Variants in TCERG1L observed in about 807,000 individuals in gnomAD.
TCERG1L encodes the protein transcription elongation regulator 1 like.
TCERG1L carries 37 observed loss-of-function variants against 56.3 expected under a neutral mutation model. The ratio of observed to expected loss-of-function variants is 0.66; its 90% CI spans 0.51 to 0.87. TCERG1L has a LOEUF of 0.87. Among genes scored for constraint, TCERG1L ranks in the 40% least tolerant of loss-of-function variants. The pLI, the probability that TCERG1L is intolerant of heterozygous loss-of-function variation, is 0.00. For synonymous variants in TCERG1L, 324 were observed against 326.3 expected (o/e 0.99, Z 0.08); for missense variants, 799 against 774.2 (o/e 1.03, Z -0.38).
rs148486552 is a variant in TCERG1L at position 131,155,807 on chromosome 10, C to T, written c.1034+7315G>A. 2.5e-3 allele frequency among the ~76,000 whole-genome samples: 386 copies of T among 152,300 alleles called. 2 individuals are homozygous for T. The highest frequency in any genetic ancestry group is 8.8e-3 in the African/African-American group (364 of 41,572). On this transcript the variant is annotated intron_variant, in intron 6 of 11. Coordinates refer to ENST00000368642, the MANE Select transcript of TCERG1L (RefSeq NM_174937.4). ...ACAGCCCACGGCCCACCCCCCACTC[C>T]CTGGGCTGCTCCCACCAGAACTCTC...
intron 7 of TCERG1L, among the ~76,000 whole-genome samples, chr10:131,137,104 C>T (rs764305837): frequency 3.3e-5 from 5 of 152,000 alleles, no homozygotes; most frequent in Non-Finnish European, 4.4e-5. Flanking sequence ...TGTGCCACTG[C>T]ACTCCAGCCT....
intron 3 of TCERG1L, among the ~76,000 whole-genome samples, chr10:131,285,399 A>AAAGG (rs201339365): frequency 7.6e-6 from 1 of 131,570 alleles, no homozygotes; most frequent in Non-Finnish European, 1.6e-5. Flanking sequence ...GAAAGAAAAG[A>AAAGG]AAGGAAGGAA....
intron 9 of TCERG1L, among the ~76,000 whole-genome samples, chr10:131,116,353 C>T (rs1249995490): frequency 6.6e-6 from 1 of 152,194 alleles, no homozygotes; most frequent in Non-Finnish European, 1.5e-5. Context: ...GGCACCGCGA[C>T]TGGCCCAGCT....
At chr10:131,131,877 A>G (rs972668218) in intron 8 of TCERG1L, among the ~76,000 whole-genome samples, 2 of 152,252 alleles carry the variant, frequency 1.3e-5, no homozygotes, top group Non-Finnish European at 2.9e-5. Flanking sequence ...CCAAATGAAC[A>G]GATTTCAGCA....
At chr10:131,135,865 C>T (rs763321934) in intron 7 of TCERG1L, among the ~76,000 whole-genome samples, 23 of 152,216 alleles carry the variant, frequency 1.5e-4, no homozygotes, top group Non-Finnish European at 2.5e-4. Context: ...CAGTGCAGAG[C>T]GGGGGATGAG....
intron 10 of TCERG1L, among the ~76,000 whole-genome samples, chr10:131,100,779 G>A (rs1845297553): frequency 6.6e-6 from 1 of 152,220 alleles, no homozygotes. Context: ...CAGATTCTAT[G>A]TCTGATACTT....
intron 4 of TCERG1L, among the ~76,000 whole-genome samples, chr10:131,233,938 C>T (rs995300562): frequency 4.6e-5 from 7 of 152,132 alleles, no homozygotes; most frequent in African/African-American, 9.7e-5. Flanking sequence ...CGATTAGTTC[C>T]GTAGAGAGTG....
chr10:131,170,460 A>C (rs933612724), intron 4 of TCERG1L, among the ~76,000 whole-genome samples: 2 of 151,616 alleles, frequency 1.3e-5, no homozygotes, highest in Admixed American at 6.6e-5. Context: ...GCACGGCGGT[A>C]ATACCTTTCT....
intron 4 of TCERG1L, among the ~76,000 whole-genome samples, chr10:131,239,381 T>C (rs890058126): frequency 1.3e-5 from 2 of 152,258 alleles, no homozygotes; most frequent in African/African-American, 4.8e-5. Flanking sequence ...AGTCAGCATA[T>C]ATCTTATCTC....
At position 131,141,947 on chromosome 10, in the gene TCERG1L, C is replaced by T. The variant is rs1046703617; in HGVS notation, c.1189+4559G>A. 4.6e-5 allele frequency among the ~76,000 whole-genome samples: 7 copies of T among 152,300 alleles called. No individual in the cohort carries two copies. In the South Asian group the frequency reaches 1.4e-3, roughly 32 times the overall value. ...ACATCCCAGCTCACCCCTTCCCTTG[C>T]ACCGGCTGCCCTGCAAGCTCCACCC... On this transcript the variant is annotated intron_variant, in intron 7 of 11. Transcript: ENST00000368642.
At chr10:131,145,011 T>A (rs371148772) in intron 7 of TCERG1L, among the ~76,000 whole-genome samples, 1 of 152,204 alleles carries the variant, frequency 6.6e-6, no homozygotes, top group East Asian at 1.9e-4. Context: ...CAACTATGCA[T>A]TGCCTTTAAT....
chr10:131,110,455 G>A (rs532595622), intron 9 of TCERG1L, among the ~76,000 whole-genome samples: 67 of 152,328 alleles, frequency 4.4e-4, no homozygotes, highest in African/African-American at 1.5e-3. Context: ...GGCCAGCTGA[G>A]CTGTGAGTGG....
At position 131,239,859 on chromosome 10, in the gene TCERG1L, G is replaced by A. The variant is rs560710144; in HGVS notation, c.856+20400C>T. 1.2e-3 allele frequency among the ~76,000 whole-genome samples: 188 copies of A among 152,336 alleles called. 1 individual carries two copies. Among genetic ancestry groups the A allele is most frequent in the African/African-American group, 4.3e-3 (179 of 41,574 alleles). On this transcript the variant is annotated intron_variant, in intron 4 of 11. Coordinates refer to ENST00000368642, the MANE Select transcript of TCERG1L (RefSeq NM_174937.4). ...GGCTCCCTCATGGCCCCTAGAAAGC[G>A]TGCATTATCTTACTACAGCCCCTAG...
chr10:131,304,480 G>A (rs796190595), intron 3 of TCERG1L, among the ~76,000 whole-genome samples: 9 of 151,986 alleles, frequency 5.9e-5, no homozygotes, highest in African/African-American at 2.2e-4. Flanking sequence ...TGCAGGGAGT[G>A]GGGAGGTGTT....
intron 5 of TCERG1L, among the ~76,000 whole-genome samples, chr10:131,165,201 G>T (rs1430255720): frequency 6.6e-6 from 1 of 152,202 alleles, no homozygotes; most frequent in Non-Finnish European, 1.5e-5. Context: ...AGAGTGAGTG[G>T]CCCATGTTGA....
intron 10 of TCERG1L, among the ~76,000 whole-genome samples, chr10:131,100,952 G>A (rs993706534): frequency 3.3e-5 from 5 of 152,164 alleles, no homozygotes; most frequent in South Asian, 4.1e-4. Context: ...TGGCTATGGC[G>A]TGGCCTGCTT....
At chr10:131,175,990 T>C (rs10829941) in intron 4 of TCERG1L, among the ~76,000 whole-genome samples, 70,056 of 152,144 alleles carry the variant, frequency 0.46, 19,246 homozygotes, top group South Asian at 0.69. Context: ...CCAGGCTGAG[T>C]TATTTAAGCA....
chr10:131,143,588 G>A (rs940705846), intron 7 of TCERG1L, among the ~76,000 whole-genome samples: 1 of 152,162 alleles, frequency 6.6e-6, no homozygotes, highest in Non-Finnish European at 1.5e-5. Context: ...TGGCAGGGGG[G>A]TTTCTGCCGT....
intron 4 of TCERG1L, among the ~76,000 whole-genome samples, chr10:131,226,943 G>A (rs1349408372): frequency 1.3e-5 from 2 of 152,260 alleles, no homozygotes; most frequent in South Asian, 4.1e-4. Context: ...TCCTGGAGTC[G>A]CTGTCAGCTC....
Sources: allele counts gnomAD v4.1 joint callset (sites outside exome capture counted in the v4.1 genomes callset), GRCh38; gene constraint gnomAD v4.1.1; transcripts MANE v1.5; gene names NCBI Gene and HGNC (gene_info 2026-07-23, HGNC 2026-07-21).